The following POR variants were observed in gnomAD, a reference collection of about 807,000 sequenced individuals.
The protein encoded by POR is NADPH--cytochrome P450 reductase.
In POR, 56 loss-of-function variants were observed where a neutral mutation model predicts 84.0. The observed-to-expected ratio is 0.67, with a 90% confidence interval of 0.54 to 0.83. The LOEUF is 0.83. Among genes scored for constraint, POR ranks in the 40% least tolerant of loss-of-function variants. POR has a pLI of 0.00. For synonymous variants in POR, 414 were observed against 400.5 expected (o/e 1.03, Z -0.40); for missense variants, 938 against 944.3 (o/e 0.99, Z 0.09).
At chr7:75,940,125 C>G (rs1198874466) in intron 1 of POR, among the ~76,000 whole-genome samples, 5 of 151,992 alleles carry the variant, frequency 3.3e-5, no homozygotes, top group African/African-American at 1.2e-4. Context: ...ACTGTGTTGC[C>G]CAGGCTGGAG....
At position 75,921,752 on chromosome 7, in the gene POR, G is replaced by C. The variant is rs546960496; in HGVS notation, c.-5+6573G>C. On this transcript the variant is annotated intron_variant, in intron 1 of 15. Transcript: ENST00000461988. ...GTCACCCCTCCTTTCTCTTCGCCCA[G>C]ACTGGAGTGCAGTGGCACGATTTGG... 1.1e-4 allele frequency among the ~76,000 whole-genome samples: 16 copies of C among 151,752 alleles called. No individual in the cohort carries two copies. In the South Asian group the frequency reaches 2.9e-3, roughly 28 times the overall value.
chr7:75,940,519 TCA>T (rs1807927859), intron 1 of POR, among the ~76,000 whole-genome samples: 1 of 145,258 alleles, frequency 6.9e-6, no homozygotes, highest in Admixed American at 7.0e-5. Context: ...GTGCAGTGGC[TCA>T]CACCTGTAAT....
At chr7:75,980,862 T>G in intron 5 of POR, 186 bp from the exon 6 acceptor site, 2 of 1,090,136 alleles carry the variant, frequency 1.8e-6, no homozygotes, top group South Asian at 3.3e-5. Context: ...GGGCTGCAGG[T>G]CAACCAGATG....
intron 1 of POR, among the ~76,000 whole-genome samples, chr7:75,938,441 C>T (rs1181380955): frequency 2.0e-5 from 3 of 152,172 alleles, no homozygotes; most frequent in Non-Finnish European, 4.4e-5. Context: ...TAGGCCCTTA[C>T]GCACTCATCT....
At chr7:75,971,691 G>A (rs542609922) in intron 2 of POR, among the ~76,000 whole-genome samples, 1 of 152,148 alleles carries the variant, frequency 6.6e-6, no homozygotes. Context: ...AGGGGAAGCA[G>A]AGGGGGTCTT....
intron 1 of POR, among the ~76,000 whole-genome samples, chr7:75,938,923 G>A (rs1335165875): frequency 3.3e-5 from 5 of 152,152 alleles, no homozygotes; most frequent in African/African-American, 1.2e-4. Flanking sequence ...TCTGACTGGT[G>A]GACCCTGATC....
chr7:75,959,325 G>A (rs1269293632), intron 2 of POR, among the ~76,000 whole-genome samples: 4 of 152,180 alleles, frequency 2.6e-5, no homozygotes, highest in African/African-American at 9.7e-5. Flanking sequence ...CGGTATTTCA[G>A]TGAGCACAGG....
chr7:75,965,969 G>A (rs868907208), intron 2 of POR, among the ~76,000 whole-genome samples: 3 of 152,232 alleles, frequency 2.0e-5, no homozygotes, highest in South Asian at 4.1e-4. Flanking sequence ...CTTGCTTGGG[G>A]AGCAGACAGG....
At chr7:75,981,493 C>T (rs781817132) in intron 6 of POR, 24 bp from the exon 7 acceptor site, 13 of 1,601,452 alleles carry the variant, frequency 8.1e-6, no homozygotes, top group South Asian at 2.2e-5. Flanking sequence ...CTGAGCCGCT[C>T]CCCCTCTCCT....
intron 1 of POR, among the ~76,000 whole-genome samples, chr7:75,924,007 A>G (rs1264798234): frequency 6.6e-6 from 1 of 152,178 alleles, no homozygotes; most frequent in Non-Finnish European, 1.5e-5. Flanking sequence ...GCCTTGTCTG[A>G]AATCACATTT....
Position 75,930,932 on chromosome 7 carries a change from C to T in POR, c.-5+15753C>T, listed in dbSNP as rs572551715. On this transcript the variant is annotated intron_variant, in intron 1 of 15. Transcript: ENST00000461988. ...CCAATTCCTGGGCTCAAGTGATCCTCTAACCTCAGCCTCCTGAGTAGCGGG... is the reference window on the plus strand; with the variant it reads ...CCAATTCCTGGGCTCAAGTGATCCTTTAACCTCAGCCTCCTGAGTAGCGGG... Among the ~76,000 whole-genome samples the T allele has an allele frequency of 1.3e-3, 193 of 152,322 alleles. 6 individuals are homozygous for T. In the South Asian group the frequency reaches 0.039, roughly 31 times the overall value.
chr7:75,979,977 T>C (rs1788920435), intron 4 of POR, among the ~76,000 whole-genome samples: 2 of 152,182 alleles, frequency 1.3e-5, no homozygotes, highest in African/African-American at 4.8e-5. Flanking sequence ...TAGTTAGATA[T>C]CAGTGTGCAC....
chr7:75,960,908 A>T lies in POR; in HGVS notation c.188+6728A>T, dbSNP rs557211886. Among the ~76,000 whole-genome samples, 266 of 152,178 alleles carry T rather than the reference A, an allele frequency of 1.7e-3. 1 individual carries two copies. The highest frequency in any genetic ancestry group is 6.8e-3 in the Middle Eastern group (2 of 294). ...GGTTTGGCTTACACAGTATTTTTTT[A>T]AAAAATATTTTAATTAGAACATTAA... On this transcript the variant is annotated intron_variant, in intron 2 of 15. Coordinates refer to ENST00000461988, the MANE Select transcript of POR (RefSeq NM_000941.3).
intron 2 of POR, among the ~76,000 whole-genome samples, chr7:75,965,934 C>G (rs1554555190): frequency 6.6e-6 from 1 of 152,070 alleles, no homozygotes; most frequent in African/African-American, 2.4e-5. Flanking sequence ...GCACTGCAGA[C>G]AGGGTAAAGC....
intron 10 of POR, 90 bp downstream of exon 10, chr7:75,983,946 C>A: frequency 9.6e-7 from 1 of 1,040,046 alleles, no homozygotes; most frequent in Non-Finnish European, 1.4e-6. Flanking sequence ...TCTGCTTAGG[C>A]CTGAAGCCCC....
intron 2 of POR, among the ~76,000 whole-genome samples, chr7:75,962,067 G>A (rs901107115): frequency 3.3e-5 from 5 of 151,708 alleles, no homozygotes; most frequent in Non-Finnish European, 7.4e-5. Context: ...ATAACACAAC[G>A]CCATCTTCAC....
chr7:75,938,973 C>G (rs1807832719), intron 1 of POR, among the ~76,000 whole-genome samples: 1 of 152,192 alleles, frequency 6.6e-6, no homozygotes, highest in African/African-American at 2.4e-5. Flanking sequence ...CTCTGGGAGC[C>G]CCTTCCTTGA....
At chr7:75,974,482 A>G (rs1585122691) in intron 3 of POR, among the ~76,000 whole-genome samples, 1 of 143,366 alleles carries the variant, frequency 7.0e-6, no homozygotes, top group African/African-American at 2.6e-5. Flanking sequence ...ATTTTCACCC[A>G]CCTAGGTCTA....
At chr7:75,927,887 T>C (rs1247489255) in intron 1 of POR, among the ~76,000 whole-genome samples, 1 of 151,554 alleles carries the variant, frequency 6.6e-6, no homozygotes, top group Non-Finnish European at 1.5e-5. Flanking sequence ...GCTAGACTGG[T>C]CTCGAACTCC....
Sources: gnomAD v4.1 joint callset for allele counts (sites outside exome capture counted in the v4.1 genomes callset) on GRCh38, gnomAD v4.1.1 for gene constraint, MANE v1.5 for transcripts, NCBI Gene and HGNC (gene_info 2026-07-23, HGNC 2026-07-21) for gene names.